SRGAP3: variants seen among roughly 807,000 people sequenced by gnomAD.
SRGAP3 encodes SLIT-ROBO Rho GTPase-activating protein 3.
A neutral mutation model predicts 121.1 loss-of-function variants in SRGAP3; 39 were observed. The ratio of observed to expected loss-of-function variants is 0.32; its 90% confidence interval spans 0.25 to 0.42. The LOEUF (loss-of-function observed/expected upper bound fraction) is 0.42, where lower values mean the gene tolerates loss of function less well. Among genes scored for constraint, SRGAP3 ranks in the 10% least tolerant of loss-of-function variants. The pLI is 1.00. For missense variants in SRGAP3, 1,213 were observed against 1,470.6 expected (o/e 0.82, Z 2.86); for synonymous variants, 601 against 570.0 (o/e 1.05, Z -0.77).
At chr3:9,360,030 A>G (rs1370879117) in intron 1 of SRGAP3, among the ~76,000 whole-genome samples, 1 of 152,184 alleles carries the variant, frequency 6.6e-6, no homozygotes, top group Non-Finnish European at 1.5e-5. Context: ...CCTGGGCCCA[A>G]GCAATCCTCC....
rs150860945 is a variant in SRGAP3, at chr3:9,098,048, T to A, written c.423+6632A>T. 2.0e-5 allele frequency among the ~76,000 whole-genome samples: 3 copies of A among 152,230 alleles called. No individual in the cohort carries two copies. The South Asian group carries it at 6.2e-4, about 32-fold the overall frequency. ...AACCCTGGTGATAGATCCTAATTAT[T>A]TGAGGCTCGCTTCAAATGCTGCTTC... On this transcript the variant is annotated intron_variant, in intron 3 of 21. Transcript: ENST00000383836.
chr3:8,992,910 C>T lies in SRGAP3; in HGVS notation c.2554G>A (p.Gly852Ser), dbSNP rs201629131. ...ISDYGFGGVM[G>S]RVRLRSDGAA... is the part of the protein sequence containing the mutation. ...AAATGAATCCGCATATCCTACCGGC[C>T]CATCACCCCCCCAAAGCCGTAATCC... Residue 852 changes from glycine to serine, a missense_variant, in exon 20 of 22, where the codon GGC becomes AGC. Gly to Ser is a moderately conservative substitution (Grantham distance 56). Coordinates refer to ENST00000383836, the MANE Select transcript of SRGAP3 (RefSeq NM_014850.4). The T allele has an allele frequency of 5.5e-5, 88 of 1,614,060 alleles. No homozygotes were observed. Among genetic ancestry groups the T allele is most frequent in the Non-Finnish European group, 7.3e-5 (86 of 1,180,052 alleles).
chr3:9,126,400 G>A (rs1226210215), intron 1 of SRGAP3, among the ~76,000 whole-genome samples: 1 of 152,190 alleles, frequency 6.6e-6, no homozygotes, highest in Non-Finnish European at 1.5e-5. Flanking sequence ...GGGAGGCCGA[G>A]GCGGGTGGAT....
rs1953564698 is a variant in SRGAP3 at position 9,239,942 on chromosome 3, G to C, written c.67+8943C>G. 1.3e-5 allele frequency among the ~76,000 whole-genome samples: 2 copies of C among 151,908 alleles called. No homozygotes were observed. Among genetic ancestry groups the C allele is most frequent in the Admixed American group, 1.3e-4 (2 of 15,248 alleles). On this transcript the variant is annotated intron_variant, in intron 1 of 21. Transcript: ENST00000383836. This position sits in a 1 kb window ranked among gnomAD's most constrained non-coding sequence, Gnocchi z 4.0. ...TCTAAAATGTAACTCAGAAAACAGA[G>C]TCTTGTGACCCAGTCCATGAAAAAT...
At chr3:9,061,791 C>A (rs1946185004) in intron 5 of SRGAP3, among the ~76,000 whole-genome samples, 1 of 152,162 alleles carries the variant, frequency 6.6e-6, no homozygotes, top group Admixed American at 6.5e-5. Flanking sequence ...AGCCGCCCAT[C>A]TCAGCAGGGA....
chr3:9,312,917 G>A (rs549923658), intron 3 of SRGAP3, among the ~76,000 whole-genome samples: 22 of 152,238 alleles, frequency 1.4e-4, no homozygotes, highest in Non-Finnish European at 2.4e-4. Context: ...ACTTGAGCCC[G>A]GGAGTTCAAG....
chr3:9,171,036 C>T (rs1261790476), intron 1 of SRGAP3, among the ~76,000 whole-genome samples: 1 of 152,232 alleles, frequency 6.6e-6, no homozygotes, highest in Non-Finnish European at 1.5e-5. Flanking sequence ...CTTCCGCCAG[C>T]TGTGCCCTGC....
intron 1 of SRGAP3, among the ~76,000 whole-genome samples, chr3:9,339,922 C>T (rs1955753746): frequency 6.6e-6 from 1 of 152,150 alleles, no homozygotes; most frequent in African/African-American, 2.4e-5. Flanking sequence ...TCTGCTGAAA[C>T]AGGAACCTGG....
chr3:8,987,645 TAGGGG>T (rs1941795354), intron 21 of SRGAP3, among the ~76,000 whole-genome samples: 1 of 152,234 alleles, frequency 6.6e-6, no homozygotes, highest in South Asian at 2.1e-4. Context: ...TCCTTTTTGT[TAGGGG>T]ACTATGGATG....
chr3:9,098,176 G>A (rs1948066370), intron 3 of SRGAP3, among the ~76,000 whole-genome samples: 1 of 152,176 alleles, frequency 6.6e-6, no homozygotes, highest in Non-Finnish European at 1.5e-5. Context: ...GTATCTGAAT[G>A]AGTTACCGCT....
At chr3:9,064,852 A>T (rs983174364) in intron 4 of SRGAP3, among the ~76,000 whole-genome samples, 14 of 117,842 alleles carry the variant, frequency 1.2e-4, no homozygotes, top group Non-Finnish European at 2.0e-4. Flanking sequence ...AGAGGAAATT[A>T]AAAAATAATA....
chr3:9,141,556 GTGTGTGT>G (rs1949850038), intron 1 of SRGAP3, among the ~76,000 whole-genome samples: 1 of 13,988 alleles, frequency 7.1e-5, no homozygotes, highest in Non-Finnish European at 2.2e-4. Flanking sequence ...CTTCAGGGGT[GTGTGTGT>G]GTGTGTGTGT....
chr3:9,073,370 C>A (rs1393123885), intron 4 of SRGAP3, among the ~76,000 whole-genome samples: 1 of 152,248 alleles, frequency 6.6e-6, no homozygotes, highest in Non-Finnish European at 1.5e-5. Flanking sequence ...GTCTTGAACT[C>A]CTAGGCTCAA....
intron 3 of SRGAP3, among the ~76,000 whole-genome samples, chr3:9,090,116 A>G (rs1947688179): frequency 6.6e-6 from 1 of 152,108 alleles, no homozygotes; most frequent in South Asian, 2.1e-4. Context: ...TGCTTATGTC[A>G]GTCTGTAGAT....
intron 1 of SRGAP3, among the ~76,000 whole-genome samples, chr3:9,164,410 C>T (rs1057335628): frequency 6.6e-6 from 1 of 152,000 alleles, no homozygotes; most frequent in East Asian, 1.9e-4. Context: ...GTGCCTCAGC[C>T]TCCAGAGTAG....
chr3:9,191,709 C>T (rs1951757958), intron 1 of SRGAP3, among the ~76,000 whole-genome samples: 1 of 152,202 alleles, frequency 6.6e-6, no homozygotes, highest in Non-Finnish European at 1.5e-5. Context: ...ATGGGTGTCC[C>T]CGTTCAAATC....
upstream of SRGAP3, among the ~76,000 whole-genome samples, chr3:9,252,299 CT>C (rs967230855): frequency 2.3e-4 from 35 of 150,752 alleles, no homozygotes; most frequent in East Asian, 2.3e-3. Flanking sequence ...CCAAATAAAA[CT>C]TTTTTTTTTC....
At chr3:9,295,903 T>C (rs1235864743) in intron 3 of SRGAP3, among the ~76,000 whole-genome samples, 1 of 152,212 alleles carries the variant, frequency 6.6e-6, no homozygotes, top group Non-Finnish European at 1.5e-5. Context: ...ATATACCCTT[T>C]TGTACCTGGC....
intron 3 of SRGAP3, among the ~76,000 whole-genome samples, chr3:9,323,934 T>C (rs1450417350): frequency 2.0e-5 from 3 of 151,756 alleles, no homozygotes; most frequent in Non-Finnish European, 4.4e-5. Context: ...GATTTGCGAA[T>C]TGGGCAGCCC....
Sources: gnomAD v4.1 joint callset for allele counts (sites outside exome capture counted in the v4.1 genomes callset) on GRCh38, gnomAD v4.1.1 for gene constraint, Gnocchi (gnomAD v3.1) non-coding constraint, MANE v1.5 for transcripts, NCBI Gene and HGNC (gene_info 2026-07-23, HGNC 2026-07-21) for gene names.